Variants in ARFGAP1 observed in about 807,000 individuals in gnomAD.
ARFGAP1 encodes ARF GTPase activating protein 1, also known as ADP-ribosylation factor GTPase-activating protein 1.
Under a neutral mutation model 54.0 loss-of-function variants are expected in ARFGAP1, and 26 were observed. The ratio of observed to expected loss-of-function variants is 0.48; its 90% CI spans 0.35 to 0.67. The LOEUF is 0.67. Among genes scored for constraint, ARFGAP1 ranks in the 30% least tolerant of loss-of-function variants. The pLI is 0.00. For missense variants in ARFGAP1, 525 were observed against 535.8 expected, an observed-to-expected ratio of 0.98 and a Z score of 0.20; for synonymous variants, 248 against 211.9, an observed-to-expected ratio of 1.17 and a Z score of -1.48.
At chr20:63,277,169 C>G in intron 4 of ARFGAP1, 36 bp from the exon 5 acceptor site, 1 of 1,590,346 alleles carries the variant, frequency 6.3e-7, no homozygotes, top group South Asian at 1.1e-5. Context: ...CGCCAGGCGC[C>G]TTTATGCTCT....
chr20:63,276,214 C>T lies in ARFGAP1; in HGVS notation c.170+14C>T, dbSNP rs114280577. On this transcript the variant is annotated intron_variant, in intron 3 of 12. Coordinates refer to ENST00000370283, the MANE Select transcript of ARFGAP1 (RefSeq NM_018209.4). This position sits in a 1 kb window ranked among gnomAD's most constrained non-coding sequence, Gnocchi z 5.2. ...GGTTCACCTCAGGTCAGTGTCCTGC[C>T]GCTCTGGCTCTGCGGAGAGCCTGCG... 7.1e-4 allele frequency: 1,137 copies of T among 1,612,606 alleles called. 4 individuals are homozygous for T. In the African/African-American group the frequency reaches 0.012, roughly 17 times the overall value.
chr20:63,286,279 G>A, intron 11 of ARFGAP1, 87 bp from the exon 12 acceptor site: 1 of 1,590,128 alleles, frequency 6.3e-7, no homozygotes, highest in Non-Finnish European at 8.6e-7. Flanking sequence ...CAGCGGGACG[G>A]CGCGTGCCGG....
At chr20:63,278,070 G>A (rs774637685) in intron 5 of ARFGAP1, 47 bp from the exon 6 acceptor site, 3 of 1,583,852 alleles carry the variant, frequency 1.9e-6, no homozygotes, top group South Asian at 1.1e-5. Flanking sequence ...GGTTACCTCA[G>A]ACTTCACCCA....
chr20:63,280,446 C>G (rs2067350098), intron 7 of ARFGAP1, among the ~76,000 whole-genome samples: 1 of 152,130 alleles, frequency 6.6e-6, no homozygotes, highest in Non-Finnish European at 1.5e-5. Flanking sequence ...GCATGAGCCA[C>G]CATGCCTGGC....
In ARFGAP1 at chr20:63,281,342, G is replaced by C. The variant is rs1367189021; in HGVS notation, c.679G>C (p.Glu227Gln). 3 of 1,596,920 alleles carry C rather than the reference G, an allele frequency of 1.9e-6. No homozygotes were observed. In the African/African-American group the frequency reaches 4.0e-5, roughly 21 times the overall value. The change falls in exon 8 of 13, where the codon GAG (glutamate) becomes CAG (glutamine). Residue 227 changes from glutamate to glutamine, a missense_variant. This residue lies in a region of ARFGAP1 where 466 missense variants were observed against 453.6 expected (regional missense o/e 1.03). Coordinates refer to ENST00000370283, the MANE Select transcript of ARFGAP1 (RefSeq NM_018209.4). ...GASRFASAAK[E>Q]GATKFGSQAS... ...CAGCCGGTTTGCCTCGGCAGCCAAG[G>C]AGGGCGTAAGTCACTGCCCCTGCCA...
chr20:63,285,905 C>T, intron 11 of ARFGAP1, 192 bp downstream of exon 11: 1 of 1,452,270 alleles, frequency 6.9e-7, no homozygotes, highest in South Asian at 1.3e-5. Flanking sequence ...CCCACTGCGG[C>T]CCGGTCAGCC....
chr20:63,282,411 T>G (rs1421149081), intron 8 of ARFGAP1, among the ~76,000 whole-genome samples: 1 of 152,164 alleles, frequency 6.6e-6, no homozygotes, highest in Non-Finnish European at 1.5e-5. Context: ...CATGGAGCCG[T>G]CCCCACAGCA....
chr20:63,279,320 C>T (rs1206664531), intron 7 of ARFGAP1: 1 of 440,426 alleles, frequency 2.3e-6, no homozygotes, highest in African/African-American at 2.0e-5. Context: ...ATTCTCCTGC[C>T]TCAGCCTCCT....
At position 63,279,010 on chromosome 20, in the gene ARFGAP1, C is replaced by T. The variant is rs1447436438; in HGVS notation, c.627+15C>T. Reference sequence around the variant, plus strand: ...CCCTGTACTCGGTGAGGACTTGGCCCTGCAGAGCATCTCCCATGGGCAGAC... The same window carrying T: ...CCCTGTACTCGGTGAGGACTTGGCCTTGCAGAGCATCTCCCATGGGCAGAC... On this transcript the variant is annotated intron_variant, in intron 7 of 12. Transcript: ENST00000370283. 3.1e-6 allele frequency: 5 copies of T among 1,613,082 alleles called. No individual in the cohort carries two copies. The highest frequency in any genetic ancestry group is 1.7e-5 in the Admixed American group (1 of 59,998).
rs762633961 is a variant in ARFGAP1 at position 63,284,874 on chromosome 20, G to A, written c.726G>A (p.Glu242=). The part of the protein sequence containing the change: ...FGSQASQKAS[E]LGHSLNENVL... The stretch of plus-strand genomic sequence containing the variant: ...GACTTCCCTTCCTACAGGCGTCCGA[G>A]CTGGGCCACAGCCTGAACGAGAACG... Residue 242 remains glutamate, a synonymous_variant, in exon 10 of 13, where the codon GAG becomes GAA. Coordinates refer to ENST00000370283, the MANE Select transcript of ARFGAP1 (RefSeq NM_018209.4). The A allele has an allele frequency of 6.2e-7, 1 of 1,612,924 alleles. No individual in the cohort carries two copies. Among genetic ancestry groups the A allele is most frequent in the Non-Finnish European group, 8.5e-7 (1 of 1,179,924 alleles).
At chr20:63,278,633 A>G in intron 6 of ARFGAP1, 1 of 529,570 alleles carries the variant, frequency 1.9e-6, no homozygotes, top group Non-Finnish European at 3.3e-6. Flanking sequence ...CTGTCATATT[A>G]AGTTGTTTTG....
intron 7 of ARFGAP1, chr20:63,279,431 C>T: frequency 3.0e-6 from 1 of 338,652 alleles, no homozygotes; most frequent in Non-Finnish European, 5.7e-6. Context: ...GTTTCGAACT[C>T]CTGACTTCAG....
chr20:63,287,546 C>A lies in ARFGAP1; in HGVS notation c.912-18C>A. ...TGAGTAACAGTCATTTAGAGTCCCC[C>A]TTCTGTCTCTTTAAAAGCCCCTCGG... On this transcript the variant is annotated intron_variant, in intron 12 of 12. Coordinates refer to ENST00000370283, the MANE Select transcript of ARFGAP1 (RefSeq NM_018209.4). 5 of 1,564,006 alleles carry A rather than the reference C, an allele frequency of 3.2e-6. No individual in the cohort carries two copies. Among genetic ancestry groups the A allele is most frequent in the Non-Finnish European group, 4.3e-6 (5 of 1,151,290 alleles).
rs942580005 is a variant in ARFGAP1 at position 63,287,933 on chromosome 20, C to T, written c.*60C>T. ...CGACTTCGTGTTTGCACTCTGCCCT[C>T]GTCGTTCCTCCTCCTTCCATTTGAC... On this transcript the variant is annotated 3_prime_UTR_variant, in exon 13 of 13. Coordinates refer to ENST00000370283, the MANE Select transcript of ARFGAP1 (RefSeq NM_018209.4). 24 of 1,435,174 alleles carry T rather than the reference C, an allele frequency of 1.7e-5. No homozygotes were observed. The highest frequency in any genetic ancestry group is 5.2e-5 in the Admixed American group (2 of 38,688). The allele number at this position is 1,435,174 out of a possible 1,614,324, so 88.9% of individuals were successfully genotyped here.
chr20:63,276,123 G>A lies in ARFGAP1; in HGVS notation c.93G>A (p.Gln31=). Residue 31 remains glutamine (Q), a synonymous_variant, in exon 3 of 13, where the codon CAG becomes CAA. Coordinates refer to ENST00000370283, the MANE Select transcript of ARFGAP1 (RefSeq NM_018209.4). This position sits in a 1 kb window ranked among gnomAD's most constrained non-coding sequence, Gnocchi z 5.2. ...TTGAGTGTGGCGCGTTCAATCCTCA[G>A]TGGGTCAGTGTGACCTACGGCATCT... The part of the protein sequence containing the change: ...VCFECGAFNP[Q]WVSVTYGIWI... 1 of 1,614,056 alleles carries A rather than the reference G, an allele frequency of 6.2e-7. No individual in the cohort carries two copies. Among genetic ancestry groups the A allele is most frequent in the Non-Finnish European group, 8.5e-7 (1 of 1,180,030 alleles).
At chr20:63,278,070 G>C (rs774637685) in intron 5 of ARFGAP1, 47 bp from the exon 6 acceptor site, 1 of 1,583,970 alleles carries the variant, frequency 6.3e-7, no homozygotes, top group Non-Finnish European at 8.7e-7. Flanking sequence ...GGTTACCTCA[G>C]ACTTCACCCA....
Position 63,276,907 on chromosome 20 carries a change from A to G in ARFGAP1, c.342+256A>G, listed in dbSNP as rs112748203. Among the ~76,000 whole-genome samples, 9 of 152,156 alleles carry G rather than the reference A, an allele frequency of 5.9e-5. No homozygotes were observed. The highest frequency in any genetic ancestry group is 2.2e-4 in the African/African-American group (9 of 41,424). On this transcript the variant is annotated intron_variant, in intron 4 of 12. Coordinates refer to ENST00000370283, the MANE Select transcript of ARFGAP1 (RefSeq NM_018209.4). The surrounding 1 kb of genome is among the most constrained non-coding windows in gnomAD (Gnocchi z 5.2). ...TGTGACCGTTTATTGCCTCTGTGACATGTTGGGCACAGTGTTTCTAAGAAG... is the reference window on the plus strand; with the variant it reads ...TGTGACCGTTTATTGCCTCTGTGACGTGTTGGGCACAGTGTTTCTAAGAAG...
At chr20:63,275,850 C>T (rs1004277164) in intron 2 of ARFGAP1, among the ~76,000 whole-genome samples, 9 of 152,160 alleles carry the variant, frequency 5.9e-5, no homozygotes, top group East Asian at 1.9e-4. Flanking sequence ...TGCTGGCTGT[C>T]GGGGGTGGGG....
At chr20:63,285,615 C>G (rs202202990) in intron 10 of ARFGAP1, 39 bp from the exon 11 acceptor site, 2 of 1,603,638 alleles carry the variant, frequency 1.2e-6, no homozygotes, top group Non-Finnish European at 1.7e-6. Flanking sequence ...GCTTTCATCT[C>G]TCCCGCCCCC....
Sources: gnomAD v4.1 joint callset for allele counts (sites outside exome capture counted in the v4.1 genomes callset) on GRCh38, gnomAD v4.1.1 for gene constraint, gnomAD v4.1.1 regional missense constraint, Gnocchi (gnomAD v3.1) non-coding constraint, MANE v1.5 for transcripts, NCBI Gene and HGNC (gene_info 2026-07-23, HGNC 2026-07-21) for gene names.